SOX5: variants seen among roughly 807,000 people sequenced by gnomAD.
The protein encoded by SOX5 is transcription factor SOX-5.
In SOX5, 9 loss-of-function variants were observed where a neutral mutation model predicts 92.0. The ratio of observed to expected loss-of-function variants is 0.10; its 90% CI spans 0.06 to 0.17. The LOEUF is 0.17. Ranked by LOEUF, SOX5 falls within the 10% of genes least tolerant of loss-of-function variation. SOX5 has a pLI of 1.00. For missense variants in SOX5, 642 were observed against 944.5 expected, an observed-to-expected ratio of 0.68 and a Z score of 4.20; for synonymous variants, 344 against 336.3, an observed-to-expected ratio of 1.02 and a Z score of -0.25.
intron 10 of SOX5, among the ~76,000 whole-genome samples, chr12:23,569,708 C>T (rs895769139): frequency 1.3e-5 from 2 of 152,194 alleles, no homozygotes; most frequent in African/African-American, 4.8e-5. Context: ...TTTTCTCTTT[C>T]GCTGAAAGGC....
chr12:23,668,981 G>A (rs1353211155), intron 6 of SOX5, among the ~76,000 whole-genome samples: 1 of 151,970 alleles, frequency 6.6e-6, no homozygotes, highest in Non-Finnish European at 1.5e-5. Context: ...ACATTCAATG[G>A]CTTCAAGAAA....
chr12:23,660,985 T>A (rs985323624), intron 7 of SOX5, among the ~76,000 whole-genome samples: 74 of 152,292 alleles, frequency 4.9e-4, no homozygotes, highest in African/African-American at 1.7e-3. Context: ...GGCACACAGT[T>A]TGAGAACCAT....
chr12:24,333,018 A>G (rs1383989031), intron 2 of SOX5, among the ~76,000 whole-genome samples: 1 of 152,140 alleles, frequency 6.6e-6, no homozygotes, highest in Non-Finnish European at 1.5e-5. Context: ...CAATTTGCTT[A>G]AAGATTTTTG....
chr12:23,751,890 G>T (rs917258195), intron 4 of SOX5, among the ~76,000 whole-genome samples: 4 of 151,810 alleles, frequency 2.6e-5, no homozygotes, highest in African/African-American at 4.8e-5. Flanking sequence ...CGTGACCAGG[G>T]TCAGAAGAAT....
chr12:24,376,218 A>G (rs1342708610), intron 1 of SOX5, among the ~76,000 whole-genome samples: 1 of 152,168 alleles, frequency 6.6e-6, no homozygotes, highest in Non-Finnish European at 1.5e-5. Flanking sequence ...GAACTTTTGC[A>G]TTTTTTATCT....
chr12:24,288,371 A>G (rs1946175509), intron 2 of SOX5, among the ~76,000 whole-genome samples: 1 of 152,222 alleles, frequency 6.6e-6, no homozygotes, highest in Admixed American at 6.5e-5. Context: ...TTACATAAAC[A>G]TAATAATGCT....
At chr12:24,523,572 C>T (rs1950438923) in intron 1 of SOX5, among the ~76,000 whole-genome samples, 1 of 152,132 alleles carries the variant, frequency 6.6e-6, no homozygotes, top group Non-Finnish European at 1.5e-5. Flanking sequence ...AGAGAGACCC[C>T]AGTAGGAAAT....
intron 4 of SOX5, among the ~76,000 whole-genome samples, chr12:24,043,136 C>T (rs1320299417): frequency 1.3e-5 from 2 of 152,146 alleles, no homozygotes; most frequent in Non-Finnish European, 1.5e-5. Context: ...TCTCCATAGA[C>T]TTTCTGGTTC....
At chr12:24,323,795 A>AT (rs1950425975) in intron 2 of SOX5, among the ~76,000 whole-genome samples, 1 of 152,020 alleles carries the variant, frequency 6.6e-6, no homozygotes, top group Admixed American at 6.6e-5. Context: ...GCTGGTTTTA[A>AT]TTTTTTTGGT....
chr12:24,106,553 G>T (rs576965487), intron 4 of SOX5, among the ~76,000 whole-genome samples: 2 of 152,204 alleles, frequency 1.3e-5, no homozygotes, highest in African/African-American at 4.8e-5. Context: ...GACTTCGGGA[G>T]GTCGACGCAG....
intron 1 of SOX5, among the ~76,000 whole-genome samples, chr12:24,404,156 C>A (rs1439360514): frequency 6.6e-6 from 1 of 152,110 alleles, no homozygotes; most frequent in Admixed American, 6.5e-5. Context: ...CCTGCAGGAA[C>A]TTTATAGCTA....
At chr12:24,115,974 T>C (rs1947945578) in intron 4 of SOX5, among the ~76,000 whole-genome samples, 3 of 152,056 alleles carry the variant, frequency 2.0e-5, no homozygotes, top group Admixed American at 6.5e-5. Context: ...TGTAGGAGAA[T>C]AGAACATGAA....
chr12:24,110,745 T>A (rs1391050881), intron 4 of SOX5, among the ~76,000 whole-genome samples: 1 of 150,132 alleles, frequency 6.7e-6, no homozygotes, highest in Admixed American at 6.6e-5. Flanking sequence ...AAATAAAATT[T>A]AAAAAATTAG....
intron 4 of SOX5, among the ~76,000 whole-genome samples, chr12:24,062,934 T>G (rs1466959248): frequency 2.0e-5 from 3 of 152,234 alleles, no homozygotes; most frequent in Non-Finnish European, 4.4e-5. Context: ...TGTGAGGATT[T>G]GTGTTTGTAC....
chr12:23,840,879 C>T (rs557790857), intron 3 of SOX5, among the ~76,000 whole-genome samples: 1 of 152,034 alleles, frequency 6.6e-6, no homozygotes, highest in Admixed American at 6.6e-5. Flanking sequence ...TGAAAAACTA[C>T]ACTAACTTCA....
At chr12:23,652,870 T>C (rs573334599) in intron 7 of SOX5, among the ~76,000 whole-genome samples, 3 of 152,248 alleles carry the variant, frequency 2.0e-5, no homozygotes, top group African/African-American at 7.2e-5. Context: ...AGGCAATCTG[T>C]AGTATTCATT....
Position 23,813,679 on chromosome 12 carries a change from G to T in SOX5, c.481+32304C>A, listed in dbSNP as rs568356350. Among the ~76,000 whole-genome samples, 48 of 152,052 alleles carry T rather than the reference G, an allele frequency of 3.2e-4. No individual in the cohort carries two copies. In the South Asian group the frequency reaches 5.0e-3, roughly 16 times the overall value. On this transcript the variant is annotated intron_variant, in intron 3 of 14. Coordinates refer to ENST00000451604, the MANE Select transcript of SOX5 (RefSeq NM_006940.6). ...ATTTTAAAACTGTCATTCCTCATCC[G>T]TGTACCATTTTGCTACAGAAGAAAG...
At chr12:23,735,401 A>G (rs1296203892) in intron 5 of SOX5, among the ~76,000 whole-genome samples, 2 of 152,066 alleles carry the variant, frequency 1.3e-5, no homozygotes, top group African/African-American at 4.8e-5. Flanking sequence ...TCAACACTCA[A>G]ATGTTTTCCC....
At chr12:23,705,764 G>T (rs1379414731) in intron 6 of SOX5, among the ~76,000 whole-genome samples, 1 of 151,922 alleles carries the variant, frequency 6.6e-6, no homozygotes, top group Non-Finnish European at 1.5e-5. Flanking sequence ...CCAATAAAAG[G>T]GGGTTCTACA....
Sources: allele counts gnomAD v4.1 joint callset (sites outside exome capture counted in the v4.1 genomes callset), GRCh38; gene constraint gnomAD v4.1.1; transcripts MANE v1.5; gene names NCBI Gene and HGNC (gene_info 2026-07-23, HGNC 2026-07-21).